FSCN2: variants seen among roughly 807,000 people sequenced by gnomAD.
FSCN2 encodes fascin-2.
FSCN2 carries 46 observed loss-of-function variants against 37.8 expected under a neutral mutation model. The ratio of observed to expected loss-of-function variants is 1.22; its 90% CI spans 0.96 to 1.56. The LOEUF is 1.56. Ranked by LOEUF, FSCN2 falls within the 40% of genes most tolerant of loss-of-function variation. The pLI is 0.00. For missense variants in FSCN2, 844 were observed against 730.4 expected (o/e 1.16, Z -1.79); for synonymous variants, 351 against 309.4 (o/e 1.13, Z -1.41).
intron 1 of FSCN2, among the ~76,000 whole-genome samples, chr17:81,532,696 CGATAGTGATAGTGATGGTGGTGGT>C (rs1160267831): frequency 2.2e-5 from 2 of 91,206 alleles, no homozygotes; most frequent in African/African-American, 8.9e-5. Flanking sequence ...ATGGTGATGG[CGATAGTGATAGTGATGGTGGTGGT>C]GATAGTGATG....
At position 81,536,142 on chromosome 17, in the gene FSCN2, C is replaced by A. The variant is rs1359931174; in HGVS notation, c.984-4C>A. 6.2e-7 allele frequency: 1 copy of A among 1,606,886 alleles called. No individual in the cohort carries two copies. ...CTGAGGAGACCTTTTGCTGCTCCCT[C>A]CAGTTCTGCCAACACCATGTTTGAG... On this transcript the variant is annotated splice_region_variant and splice_polypyrimidine_tract_variant and intron_variant, in intron 2 of 4. Transcript: ENST00000417245.
At chr17:81,536,459 C>G in intron 3 of FSCN2, 163 bp from the exon 4 acceptor site, 1 of 1,497,032 alleles carries the variant, frequency 6.7e-7, no homozygotes. Context: ...TCCTTATCTC[C>G]GCTGCTGGGA....
rs1412336284 is a variant in FSCN2, at chr17:81,528,756, G to T, written c.225G>T (p.Gly75=). 1 of 1,584,558 alleles carries T rather than the reference G, an allele frequency of 6.3e-7. No homozygotes were observed. The highest frequency in any genetic ancestry group is 2.3e-5 in the East Asian group (1 of 43,174). The change falls in exon 1 of 5, where the codon GGG becomes GGT. Residue 75 remains glycine (G), a synonymous_variant. Transcript: ENST00000417245. Reference sequence around the variant, plus strand: ...GCTACCTGTCGGCAGAAGAGGACGGGCGCGTGGCCTGTGAGGCAGAGCAGC... The same window carrying T: ...GCTACCTGTCGGCAGAAGAGGACGGTCGCGTGGCCTGTGAGGCAGAGCAGC... ...LGRYLSAEED[G]RVACEAEQPG... is the part of the protein sequence containing the mutation.
At chr17:81,524,922 A>ACACACAC (rs2032305735), upstream of FSCN2, among the ~76,000 whole-genome samples, 2 of 74,280 alleles carry the variant, frequency 2.7e-5, no homozygotes, top group African/African-American at 4.8e-5. Flanking sequence ...CACACACACC[A>ACACACAC]CACTCACACA....
At chr17:81,519,590 G>T in the FSCN2 span, among the ~76,000 whole-genome samples, 1 of 152,190 alleles carries the variant, frequency 6.6e-6, no homozygotes, top group Non-Finnish European at 1.5e-5. Context: ...GCCCAGGAGC[G>T]CCAGGAGGGA....
At chr17:81,535,427 CATCACCATCCCCACCATCCGCA>C (rs2032824242) in intron 2 of FSCN2, among the ~76,000 whole-genome samples, 1 of 138,066 alleles carries the variant, frequency 7.2e-6, no homozygotes, top group African/African-American at 3.2e-5. Context: ...CCATCCCCAT[CATCACCATCCCCACCATCCGCA>C]TCCCCATCTC....
Position 81,536,863 on chromosome 17 carries a change from C to A in FSCN2, c.1274-12C>A. The A allele has an allele frequency of 6.4e-7, 1 of 1,562,650 alleles. No homozygotes were observed. Among genetic ancestry groups the A allele is most frequent in the Non-Finnish European group, 8.7e-7 (1 of 1,153,630 alleles). ...AGGTGGGCACCCCCGCCGACGCCGT[C>A]CCGTCCCCCAGGCCGCGACGGAGGG... On this transcript the variant is annotated splice_polypyrimidine_tract_variant and intron_variant, in intron 4 of 4. Transcript: ENST00000417245.
the FSCN2 span, among the ~76,000 whole-genome samples, chr17:81,522,412 G>A: frequency 3.9e-5 from 6 of 152,324 alleles, no homozygotes; most frequent in East Asian, 1.9e-4. Flanking sequence ...GTGGCGTGGC[G>A]TTGTCCCCAA....
In FSCN2 at chr17:81,536,907, CACGGCAGCGTGTGCAGCG is replaced by C. The variant is rs753094983; in HGVS notation, c.1312_1329del (p.Ser438_Gly443del). 1.1e-4 allele frequency: 166 copies of C among 1,575,924 alleles called. No individual in the cohort carries two copies. The highest frequency in any genetic ancestry group is 1.2e-4 in the Non-Finnish European group (139 of 1,164,434). On this transcript the variant is annotated inframe_deletion, in exon 5 of 5. Transcript: ENST00000417245. Reference sequence around the variant, plus strand: ...CGGAGGGTTCTGGTACACGGGCAGCCACGGCAGCGTGTGCAGCGACGGCGAACGCGCCGAGGACTTCGT... The same window carrying C: ...CGGAGGGTTCTGGTACACGGGCAGCCACGGCGAACGCGCCGAGGACTTCGT...
In FSCN2 at chr17:81,537,052, C is replaced by T. The variant is rs2032911893; in HGVS notation, c.1451C>T (p.Pro484Leu). The T allele has an allele frequency of 2.0e-6, 3 of 1,466,116 alleles. No homozygotes were observed. Among genetic ancestry groups the T allele is most frequent in the South Asian group, 1.3e-5 (1 of 75,006 alleles). 90.8% of individuals were successfully genotyped at this position (1,466,116 alleles called of 1,614,324 possible). Residue 484 changes from proline (P) to leucine (L), a missense_variant, in exon 5 of 5, where the codon CCG (proline) becomes CTG (leucine). Physicochemically the swap from Pro to Leu is moderately conservative, Grantham distance 98. Transcript: ENST00000417245. ...CTGCTGCGGGCCGATGCCGACGCCC[C>T]GGCCGGGACCGCGCTTTGGGAGTAC... is the stretch of plus-strand genomic sequence containing the variant. ...SGLLRADADA[P>L]AGTALWEY
the FSCN2 span, among the ~76,000 whole-genome samples, chr17:81,516,735 G>A: frequency 1.3e-5 from 2 of 152,366 alleles, no homozygotes; most frequent in East Asian, 1.9e-4. Context: ...GCAGACTGAA[G>A]CTCAGAAGGC....
chr17:81,526,107 G>A (rs1555670060), upstream of FSCN2, among the ~76,000 whole-genome samples: 1 of 152,208 alleles, frequency 6.6e-6, no homozygotes, highest in African/African-American at 2.4e-5. Context: ...GGGCGGCCAG[G>A]CTTCCCCCTG....
chr17:81,517,548 T>C, the FSCN2 span, among the ~76,000 whole-genome samples: 1 of 152,142 alleles, frequency 6.6e-6, no homozygotes, highest in Non-Finnish European at 1.5e-5. Context: ...AGTGCCTCTG[T>C]GTGTCGTGTG....
At chr17:81,517,580 C>T in the FSCN2 span, among the ~76,000 whole-genome samples, 1 of 152,166 alleles carries the variant, frequency 6.6e-6, no homozygotes, top group African/African-American at 2.4e-5. Flanking sequence ...ACCAGGGTGC[C>T]TGCTCCTCCC....
At chr17:81,520,758 C>T in the FSCN2 span, among the ~76,000 whole-genome samples, 2 of 152,230 alleles carry the variant, frequency 1.3e-5, no homozygotes, top group African/African-American at 2.4e-5. Context: ...CAGGCTTTTC[C>T]TTGCTGATCT....
At chr17:81,525,425 C>CAAAAAAAAAAA (rs1202765459), upstream of FSCN2, among the ~76,000 whole-genome samples, 9 of 47,834 alleles carry the variant, frequency 1.9e-4, no homozygotes, top group African/African-American at 4.1e-4. Context: ...GACTCTGTCT[C>CAAAAAAAAAAA]AAAAAAAAAA....
chr17:81,519,535 T>TATCGC, the FSCN2 span, among the ~76,000 whole-genome samples: 1 of 152,078 alleles, frequency 6.6e-6, no homozygotes, highest in Non-Finnish European at 1.5e-5. Flanking sequence ...TGGGTGCCGC[T>TATCGC]ATCGCCGCGA....
chr17:81,517,486 G>A, the FSCN2 span, among the ~76,000 whole-genome samples: 29 of 152,322 alleles, frequency 1.9e-4, no homozygotes, highest in Middle Eastern at 6.8e-3. Flanking sequence ...CCCCCCAGGC[G>A]TCTTGCCTGA....
chr17:81,531,225 ATAATGG>A lies in FSCN2; in HGVS notation c.826+1870_826+1875del, dbSNP rs1598572830. Among the ~76,000 whole-genome samples the A allele has an allele frequency of 7.9e-4, 45 of 56,810 alleles. 1 individual carries two copies. Among genetic ancestry groups the A allele is most frequent in the African/African-American group, 3.0e-3 (40 of 13,382 alleles). The allele number at this position is 56,810 out of a possible 152,430, so 37.3% of individuals were successfully genotyped here. A position where few individuals can be genotyped will look rare whatever the true frequency, so the allele number is the denominator to read the frequency against. On this transcript the variant is annotated intron_variant, in intron 1 of 4. Transcript: ENST00000417245. The stretch of plus-strand genomic sequence containing the variant: ...GATGGTGGTGATGGTGGTGATGGTG[ATAATGG>A]TGATGGTGGTGATGATGGTGATGGT...
Sources: allele counts gnomAD v4.1 joint callset (sites outside exome capture counted in the v4.1 genomes callset), GRCh38; gene constraint gnomAD v4.1.1; transcripts MANE v1.5; gene names NCBI Gene and HGNC (gene_info 2026-07-23, HGNC 2026-07-21).